The following ACBD3 variants were observed in gnomAD, a reference collection of about 807,000 sequenced individuals.
The protein encoded by ACBD3 is acyl-CoA binding domain containing 3.
ACBD3 carries 30 observed loss-of-function variants against 66.9 expected under a neutral mutation model. The observed-to-expected ratio is 0.45, with a 90% CI of 0.34 to 0.61. The LOEUF is 0.61. ACBD3 is among the 20% of genes least tolerant of loss of function. The probability of loss-of-function intolerance (pLI) is 0.02; values close to 1 mark genes in which losing one functional copy is unlikely to be tolerated. For synonymous variants in ACBD3, 278 were observed against 259.8 expected, an observed-to-expected ratio of 1.07 and a Z score of -0.68; for missense variants, 544 against 664.5, an observed-to-expected ratio of 0.82 and a Z score of 1.99.
rs146607031 is a variant in ACBD3, at chr1:226,166,961, T to A, written c.287-961A>T. ...ACAGGCATGTGCCACCACATCTGGT[T>A]AATTTTTTACTTTTTGCAGAGACGA... On this transcript the variant is annotated intron_variant, in intron 1 of 7. Coordinates refer to ENST00000366812, the MANE Select transcript of ACBD3 (RefSeq NM_022735.4). 2.9e-3 allele frequency among the ~76,000 whole-genome samples: 444 copies of A among 151,764 alleles called. 1 individual carries two copies. Among genetic ancestry groups the A allele is most frequent in the African/African-American group, 0.01 (428 of 41,358 alleles).
rs71574563 is a variant in ACBD3 at position 226,170,333 on chromosome 1, ATTTTTTT to A, written c.287-4340_287-4334del. Among the ~76,000 whole-genome samples the A allele has an allele frequency of 1.8e-3, 195 of 109,806 alleles. 2 individuals are homozygous for A. The highest frequency in any genetic ancestry group is 6.7e-3 in the African/African-American group (188 of 28,060). 72.0% of individuals were successfully genotyped at this position (109,806 alleles called of 152,430 possible). On this transcript the variant is annotated intron_variant, in intron 1 of 7. Coordinates refer to ENST00000366812, the MANE Select transcript of ACBD3 (RefSeq NM_022735.4). ...CCACCACGCCCAGCTAATTTTTTGA[ATTTTTTT>A]TTTTTTTTTTTTTTTAGTAGAGACG...
In ACBD3 at chr1:226,146,444, A is replaced by G. The variant is rs1193097196; in HGVS notation, c.*166T>C. The G allele has an allele frequency of 3.6e-5, 23 of 633,938 alleles. No homozygotes were observed. Among genetic ancestry groups the G allele is most frequent in the South Asian group, 3.4e-4 (17 of 50,162 alleles). The allele number at this position is 633,938 out of a possible 1,614,324, so 39.3% of individuals were successfully genotyped here. On this transcript the variant is annotated 3_prime_UTR_variant, in exon 8 of 8. Transcript: ENST00000366812. ...CCTTTAACCCCAAAGTATGAATGCT[A>G]AAGAGTCTCAAGGAAATTTTGATTC...
Position 226,186,382 on chromosome 1 carries a change from C to A in ACBD3, c.286+8G>T. 2 of 1,513,322 alleles carry A rather than the reference C, an allele frequency of 1.3e-6. No homozygotes were observed. The highest frequency in any genetic ancestry group is 2.1e-5 in the Admixed American group (1 of 47,916). 93.7% of individuals were successfully genotyped at this position (1,513,322 alleles called of 1,614,324 possible). A position where few individuals can be genotyped will look rare whatever the true frequency, so the allele number is the denominator to read the frequency against. ...AGAAGCGGCGGGGGTGGGGCTGGCCCGGCTCACCTTTGAAGAAGCGCAGTG... is the reference window on the plus strand; with the variant it reads ...AGAAGCGGCGGGGGTGGGGCTGGCCAGGCTCACCTTTGAAGAAGCGCAGTG... On this transcript the variant is annotated splice_region_variant and intron_variant, in intron 1 of 7. Coordinates refer to ENST00000366812, the MANE Select transcript of ACBD3 (RefSeq NM_022735.4).
At chr1:226,152,181 T>C (rs1659588415) in intron 7 of ACBD3, among the ~76,000 whole-genome samples, 154 bp downstream of exon 7, 2 of 152,120 alleles carry the variant, frequency 1.3e-5, no homozygotes, top group South Asian at 2.1e-4. Context: ...CCTGGCCTCA[T>C]AACATTTTCA....
chr1:226,177,634 T>C (rs1656071833), intron 1 of ACBD3, among the ~76,000 whole-genome samples: 1 of 152,124 alleles, frequency 6.6e-6, no homozygotes, highest in African/African-American at 2.4e-5. Flanking sequence ...AGTCAGATCA[T>C]CAGAGGATAT....
intron 7 of ACBD3, among the ~76,000 whole-genome samples, chr1:226,151,124 A>G (rs1420546841): frequency 6.6e-6 from 1 of 152,220 alleles, no homozygotes; most frequent in East Asian, 1.9e-4. Context: ...GTACTTCACA[A>G]GTTGATAGAA....
intron 6 of ACBD3, among the ~76,000 whole-genome samples, chr1:226,154,365 G>A (rs1017101986): frequency 2.2e-4 from 33 of 151,674 alleles, no homozygotes; most frequent in African/African-American, 5.8e-4. Context: ...GAGCCACTGC[G>A]CCCAGCCTGT....
intron 3 of ACBD3, among the ~76,000 whole-genome samples, chr1:226,162,056 T>C (rs1473264196): frequency 6.6e-6 from 1 of 152,144 alleles, no homozygotes; most frequent in African/African-American, 2.4e-5. Context: ...CATTCAGCAA[T>C]AGATCTGCAT....
Position 226,168,211 on chromosome 1 carries a change from G to GA in ACBD3, c.287-2212dup, listed in dbSNP as rs1465099629. On this transcript the variant is annotated intron_variant, in intron 1 of 7. Coordinates refer to ENST00000366812, the MANE Select transcript of ACBD3 (RefSeq NM_022735.4). ...AACAATATACAACAACAAGTTATGT[G>GA]AATGTGGGATCTCTGTCTCTCTCAA... is the stretch of plus-strand genomic sequence containing the variant. Among the ~76,000 whole-genome samples the GA allele has an allele frequency of 4.6e-5, 7 of 152,276 alleles. No individual in the cohort carries two copies. In the East Asian group the frequency reaches 1.4e-3, roughly 29 times the overall value.
At chr1:226,157,489 T>A (rs1268125862) in intron 5 of ACBD3, among the ~76,000 whole-genome samples, 1 of 152,176 alleles carries the variant, frequency 6.6e-6, no homozygotes, top group Non-Finnish European at 1.5e-5. Context: ...TCCACCCACC[T>A]CAGCCTCCCA....
chr1:226,169,884 T>G (rs1250495711), intron 1 of ACBD3, among the ~76,000 whole-genome samples: 1 of 151,604 alleles, frequency 6.6e-6, no homozygotes, highest in Non-Finnish European at 1.5e-5. Context: ...TAGCTGGGTG[T>G]GGTGGTACAG....
At chr1:226,155,429 A>C (rs1180200951) in intron 5 of ACBD3, among the ~76,000 whole-genome samples, 1 of 152,060 alleles carries the variant, frequency 6.6e-6, no homozygotes, top group Non-Finnish European at 1.5e-5. Context: ...AAAAAAAAAA[A>C]AAAAAGTAGA....
intron 2 of ACBD3, among the ~76,000 whole-genome samples, chr1:226,165,541 T>A (rs1659861578): frequency 6.6e-6 from 1 of 152,170 alleles, no homozygotes; most frequent in East Asian, 1.9e-4. Flanking sequence ...TTGTCACAAT[T>A]TTTTTTATGC....
At chr1:226,177,676 G>A (rs575203592) in intron 1 of ACBD3, among the ~76,000 whole-genome samples, 57 of 152,110 alleles carry the variant, frequency 3.7e-4, no homozygotes, top group African/African-American at 1.3e-3. Context: ...CAGGTTGTCC[G>A]GTACACGTTA....
intron 1 of ACBD3, among the ~76,000 whole-genome samples, chr1:226,173,117 C>A (rs1051035982): frequency 1.0e-3 from 155 of 152,128 alleles, no homozygotes; most frequent in Middle Eastern, 3.4e-3. Context: ...ATACAAAAAA[C>A]CAAAATTTAG....
rs142171918 is a variant in ACBD3, at chr1:226,181,474, C to T, written c.286+4916G>A. Among the ~76,000 whole-genome samples the T allele has an allele frequency of 3.7e-3, 565 of 152,256 alleles. 15 individuals carry two copies. Among genetic ancestry groups the T allele is most frequent in the Admixed American group, 0.035 (529 of 15,292 alleles). ...ATATAATACTCTACTATCAGTAACA[C>T]AATTGGGTATAATCAATAGCAATGC... is the stretch of plus-strand genomic sequence containing the variant. On this transcript the variant is annotated intron_variant, in intron 1 of 7. Transcript: ENST00000366812.
intron 1 of ACBD3, among the ~76,000 whole-genome samples, chr1:226,178,588 A>AAAAAAAAG (rs1302404996): frequency 6.7e-6 from 1 of 149,946 alleles, no homozygotes; most frequent in Non-Finnish European, 1.5e-5. Flanking sequence ...AAAAAAAAAA[A>AAAAAAAAG]AAAAAGACTA....
At position 226,154,818 on chromosome 1, in the gene ACBD3, G is replaced by T; in HGVS notation, c.919C>A (p.Gln307Lys). Reference protein sequence around the residue: ...LAQQQAALQKQQEVVVAGSSL... With the variant: ...LAQQQAALQKKQEVVVAGSSL... Reference sequence around the variant, plus strand: ...GACCCAGCCACTACTACTTCCTGTTGTTTCTGTAATGCTGCCTACAAACCA... The same window carrying T: ...GACCCAGCCACTACTACTTCCTGTTTTTTCTGTAATGCTGCCTACAAACCA... The change falls in exon 6 of 8, where the codon CAA becomes AAA. Residue 307 changes from glutamine (Q) to lysine (K), a missense_variant. Physicochemically the swap from Gln to Lys is moderately conservative, Grantham distance 53 (BLOSUM62 1). Transcript: ENST00000366812. 1 of 1,606,692 alleles carries T rather than the reference G, an allele frequency of 6.2e-7. No individual in the cohort carries two copies. Among genetic ancestry groups the T allele is most frequent in the African/African-American group, 1.3e-5 (1 of 74,758 alleles).
chr1:226,185,288 A>C (rs1656269397), intron 1 of ACBD3, among the ~76,000 whole-genome samples: 2 of 152,228 alleles, frequency 1.3e-5, no homozygotes, highest in Non-Finnish European at 2.9e-5. Flanking sequence ...AAAATTTATA[A>C]AACTTTCACT....
Sources: allele counts gnomAD v4.1 joint callset (sites outside exome capture counted in the v4.1 genomes callset), GRCh38; gene constraint gnomAD v4.1.1; transcripts MANE v1.5; gene names NCBI Gene and HGNC (gene_info 2026-07-23, HGNC 2026-07-21).